Variants in PCDH9 observed in about 807,000 individuals in gnomAD.
PCDH9 encodes the protein protocadherin 9, also known as protocadherin-9.
In PCDH9, 24 loss-of-function variants were observed where a neutral mutation model predicts 70.6. The observed-to-expected ratio is 0.34, with a 90% CI of 0.25 to 0.48. The LOEUF (loss-of-function observed/expected upper bound fraction) is 0.48. PCDH9 is among the 20% of genes least tolerant of loss of function. PCDH9 has a pLI of 0.99. For synonymous variants in PCDH9, 562 were observed against 558.5 expected (o/e 1.01, Z -0.09); for missense variants, 1,281 against 1,503.6 (o/e 0.85, Z 2.45).
intron 2 of PCDH9, among the ~76,000 whole-genome samples, chr13:67,042,204 T>C (rs1019950590): frequency 2.0e-5 from 3 of 152,152 alleles, no homozygotes; most frequent in Non-Finnish European, 2.9e-5. Flanking sequence ...GGGGATTGTG[T>C]GTATGTGTGT....
At chr13:66,738,080 A>T (rs1158967016) in intron 3 of PCDH9, among the ~76,000 whole-genome samples, 1 of 152,234 alleles carries the variant, frequency 6.6e-6, no homozygotes, top group African/African-American at 2.4e-5. Flanking sequence ...TAACCTCTGC[A>T]GACTTAAATG....
intron 2 of PCDH9, among the ~76,000 whole-genome samples, chr13:66,906,096 A>C (rs555134469): frequency 6.6e-6 from 1 of 152,216 alleles, no homozygotes; most frequent in Non-Finnish European, 1.5e-5. Flanking sequence ...GAAACAATAC[A>C]TGAAAATAAA....
At chr13:66,531,871 T>C (rs181964297) in intron 4 of PCDH9, among the ~76,000 whole-genome samples, 3 of 152,310 alleles carry the variant, frequency 2.0e-5, no homozygotes, top group Non-Finnish European at 4.4e-5. Flanking sequence ...ATAGGCTACA[T>C]GCTTGCATTA....
chr13:66,375,684 A>T (rs1176489732), intron 4 of PCDH9, among the ~76,000 whole-genome samples: 1 of 152,132 alleles, frequency 6.6e-6, no homozygotes, highest in Non-Finnish European at 1.5e-5. Context: ...TAACAAATTG[A>T]TGATATTTTA....
At chr13:66,428,036 GA>G (rs1957704573) in intron 4 of PCDH9, among the ~76,000 whole-genome samples, 2 of 151,644 alleles carry the variant, frequency 1.3e-5, no homozygotes, top group Admixed American at 1.3e-4. Flanking sequence ...TCTTCTTGAT[GA>G]AAAATATGTT....
chr13:66,865,081 A>G (rs1414831084), intron 3 of PCDH9, among the ~76,000 whole-genome samples: 1 of 152,234 alleles, frequency 6.6e-6, no homozygotes, highest in Non-Finnish European at 1.5e-5. Flanking sequence ...CAGAATCTTC[A>G]TACTTTTATG....
chr13:66,350,992 C>T (rs1444929334), intron 4 of PCDH9, among the ~76,000 whole-genome samples: 1 of 152,036 alleles, frequency 6.6e-6, no homozygotes, highest in Non-Finnish European at 1.5e-5. Context: ...ACAGGTCCTA[C>T]GAATATAGGA....
At position 67,226,043 on chromosome 13, in the gene PCDH9, T is replaced by C; in HGVS notation, c.2398A>G (p.Ile800Val). The change falls in exon 2 of 5, where the codon ATA becomes GTA. Residue 800 changes from isoleucine (I) to valine (V), a missense_variant. Physicochemically the swap from Ile to Val is conservative, Grantham distance 29. Coordinates refer to ENST00000377865, the MANE Select transcript of PCDH9 (RefSeq NM_203487.3). This position sits in a 1 kb window ranked among gnomAD's most constrained non-coding sequence, Gnocchi z 5.0. ...RTMETPLDRNIGDSSQPYQNE... is the reference protein window; with the variant it reads ...RTMETPLDRNVGDSSQPYQNE... ...TGATAGGGTTGGCTACTATCCCCTA[T>C]GTTCCTGTCCAACGGGGTCTCCATA... The C allele has an allele frequency of 6.2e-7, 1 of 1,614,132 alleles. No homozygotes were observed. The highest frequency in any genetic ancestry group is 8.5e-7 in the Non-Finnish European group (1 of 1,180,012).
chr13:66,779,591 G>A (rs1041619919), intron 3 of PCDH9, among the ~76,000 whole-genome samples: 3 of 152,048 alleles, frequency 2.0e-5, no homozygotes, highest in African/African-American at 7.2e-5. Context: ...GGGAGGCGGA[G>A]GCAGGCGGAT....
At chr13:67,211,392 C>G (rs1351037785) in intron 2 of PCDH9, 1 of 151,864 alleles carries the variant, frequency 6.6e-6, no homozygotes, top group African/African-American at 2.4e-5. Context: ...TGTTTTCTGG[C>G]AATAAAGATT....
chr13:67,101,533 G>A (rs1233894328), intron 2 of PCDH9, among the ~76,000 whole-genome samples: 3 of 152,098 alleles, frequency 2.0e-5, no homozygotes, highest in African/African-American at 7.3e-5. Flanking sequence ...ATGTGTGTGT[G>A]TATCTTTGTA....
chr13:66,983,915 C>A (rs974881), intron 2 of PCDH9, among the ~76,000 whole-genome samples: 148,121 of 151,766 alleles, frequency 0.98, 72,385 homozygotes, highest in East Asian at 1. Flanking sequence ...CCTTATTTTC[C>A]CTGAGATAAT....
intron 3 of PCDH9, among the ~76,000 whole-genome samples, chr13:66,778,787 T>C (rs2079943450): frequency 2.0e-5 from 3 of 152,200 alleles, no homozygotes; most frequent in South Asian, 4.1e-4. Context: ...TTGGCCAGGC[T>C]GGATTCAAAC....
At chr13:66,389,916 A>G (rs2138265164) in intron 4 of PCDH9, among the ~76,000 whole-genome samples, 1 of 152,262 alleles carries the variant, frequency 6.6e-6, no homozygotes, top group African/African-American at 2.4e-5. Context: ...TTATCTCTTT[A>G]ATGTTTTCTT....
intron 4 of PCDH9, among the ~76,000 whole-genome samples, chr13:66,382,689 TA>T (rs1400499340): frequency 6.6e-6 from 1 of 152,230 alleles, no homozygotes; most frequent in Non-Finnish European, 1.5e-5. Flanking sequence ...GATTTTTCTA[TA>T]ACTCAAAGAC....
intron 4 of PCDH9, chr13:66,323,426 TAAGC>T (rs1481975575): frequency 6.6e-6 from 1 of 151,970 alleles, no homozygotes; most frequent in Non-Finnish European, 1.5e-5. Flanking sequence ...TAGGCAATAA[TAAGC>T]AATAAAAATA....
At chr13:67,200,486 C>T (rs1217039405) in intron 2 of PCDH9, among the ~76,000 whole-genome samples, 1 of 151,948 alleles carries the variant, frequency 6.6e-6, no homozygotes, top group African/African-American at 2.4e-5. Flanking sequence ...TGAATCAATC[C>T]TCTAGTGAGC....
rs547308115 is a variant in PCDH9 at position 66,913,423 on chromosome 13, G to A, written c.3037-9818C>T. On this transcript the variant is annotated intron_variant, in intron 2 of 4. Transcript: ENST00000377865. ...TTTATGCAACTTGTACAGTATCTAGGAGTAAAAATGTCTCACTTTTTAATT... is the reference window on the plus strand; with the variant it reads ...TTTATGCAACTTGTACAGTATCTAGAAGTAAAAATGTCTCACTTTTTAATT... Among the ~76,000 whole-genome samples the A allele has an allele frequency of 3.9e-5, 6 of 151,966 alleles. No homozygotes were observed. In the South Asian group the frequency reaches 1.2e-3, roughly 32 times the overall value.
intron 4 of PCDH9, among the ~76,000 whole-genome samples, chr13:66,609,172 A>T (rs1398989867): frequency 6.6e-6 from 1 of 152,226 alleles, no homozygotes; most frequent in East Asian, 1.9e-4. Flanking sequence ...TAAATGACAC[A>T]CAATAAGATT....
Sources: allele counts gnomAD v4.1 joint callset (sites outside exome capture counted in the v4.1 genomes callset), GRCh38; gene constraint gnomAD v4.1.1; non-coding constraint Gnocchi (gnomAD v3.1); transcripts MANE v1.5; gene names NCBI Gene and HGNC (gene_info 2026-07-23, HGNC 2026-07-21).